PRKG1: variants seen among roughly 807,000 people sequenced by gnomAD.
PRKG1 encodes cGMP-dependent protein kinase 1.
PRKG1 carries 35 observed loss-of-function variants against 88.1 expected under a neutral mutation model. The observed-to-expected ratio is 0.40, with a 90% CI of 0.30 to 0.53. The LOEUF (loss-of-function observed/expected upper bound fraction) is 0.53. Ranked by LOEUF, PRKG1 falls within the 20% of genes least tolerant of loss-of-function variation. PRKG1 has a pLI of 0.59. For missense variants in PRKG1, 540 were observed against 839.8 expected, an observed-to-expected ratio of 0.64 and a Z score of 4.41; for synonymous variants, 303 against 292.5, an observed-to-expected ratio of 1.04 and a Z score of -0.37.
intron 5 of PRKG1, among the ~76,000 whole-genome samples, chr10:52,042,663 G>A (rs1439859839): frequency 2.0e-5 from 3 of 152,014 alleles, no homozygotes; most frequent in Admixed American, 6.6e-5. Context: ...ATTGATCTGG[G>A]CAATAATTTT....
chr10:51,948,514 GTGTGTGTCTC>G lies in PRKG1; in HGVS notation c.762+40952_762+40961del, dbSNP rs1428286702. On this transcript the variant is annotated intron_variant, in intron 5 of 17. Coordinates refer to ENST00000373980, the MANE Select transcript of PRKG1 (RefSeq NM_006258.4). ...ATTCAGGTATTATTTCATGAAACTT[GTGTGTGTCTC>G]TGTGTGTGTGTGTGTGTGTGTGTGC... is the stretch of plus-strand genomic sequence containing the variant. Among the ~76,000 whole-genome samples the G allele has an allele frequency of 2.3e-5, 3 of 129,936 alleles. No individual in the cohort carries two copies. The Admixed American group carries it at 2.3e-4, about 10-fold the overall frequency. The allele number at this position is 129,936 out of a possible 152,430, so 85.2% of individuals were successfully genotyped here.
chr10:51,216,364 A>G (rs1838371446), intron 2 of PRKG1, among the ~76,000 whole-genome samples: 1 of 152,234 alleles, frequency 6.6e-6, no homozygotes, highest in African/African-American at 2.4e-5. Context: ...TTGTAAACAG[A>G]AAGTCAACAG....
intron 2 of PRKG1, among the ~76,000 whole-genome samples, chr10:51,295,089 G>GA (rs373806080): frequency 7.1e-4 from 104 of 146,772 alleles, no homozygotes; most frequent in East Asian, 1.8e-3. Flanking sequence ...TCTCTAAGAG[G>GA]AAAAAAAAAA....
intron 3 of PRKG1, among the ~76,000 whole-genome samples, chr10:51,625,268 G>A (rs1839306831): frequency 6.6e-6 from 1 of 152,132 alleles, no homozygotes; most frequent in Non-Finnish European, 1.5e-5. Context: ...CCTGAGATCC[G>A]GAGTTCAAGA....
chr10:52,145,335 G>T (rs1172063902), intron 8 of PRKG1, among the ~76,000 whole-genome samples: 1 of 152,022 alleles, frequency 6.6e-6, no homozygotes, highest in Non-Finnish European at 1.5e-5. Context: ...TTGTTATTTA[G>T]AAATTCACAA....
At chr10:51,452,972 T>G (rs1420161095) in intron 2 of PRKG1, among the ~76,000 whole-genome samples, 1 of 152,034 alleles carries the variant, frequency 6.6e-6, no homozygotes, top group Non-Finnish European at 1.5e-5. Flanking sequence ...TCTCACTGTT[T>G]GTTATTGGTC....
intron 3 of PRKG1, among the ~76,000 whole-genome samples, chr10:51,555,011 G>T (rs1472993501): frequency 6.6e-6 from 1 of 151,918 alleles, no homozygotes; most frequent in Non-Finnish European, 1.5e-5. Context: ...TGCAGCAAAG[G>T]TGTTTGTTAA....
chr10:51,319,144 C>T (rs924343895), intron 2 of PRKG1, among the ~76,000 whole-genome samples: 3 of 152,170 alleles, frequency 2.0e-5, no homozygotes, highest in Non-Finnish European at 4.4e-5. Flanking sequence ...TCAGCATTCA[C>T]TGGGTTCTCC....
chr10:51,373,421 T>C (rs1415931439), intron 2 of PRKG1, among the ~76,000 whole-genome samples: 1 of 152,146 alleles, frequency 6.6e-6, no homozygotes, highest in Admixed American at 6.5e-5. Context: ...CTCTCCAAAA[T>C]TCAGGTGTTT....
At chr10:51,974,514 C>T (rs1264030755) in intron 5 of PRKG1, among the ~76,000 whole-genome samples, 1 of 152,126 alleles carries the variant, frequency 6.6e-6, no homozygotes, top group Non-Finnish European at 1.5e-5. Context: ...CAACTTACTC[C>T]CATGTGTCAT....
intron 4 of PRKG1, among the ~76,000 whole-genome samples, chr10:51,857,344 T>C (rs1054357281): frequency 1.3e-5 from 2 of 152,232 alleles, no homozygotes; most frequent in African/African-American, 4.8e-5. Context: ...CTAATACTAA[T>C]GTTCATTTGA....
intron 2 of PRKG1, among the ~76,000 whole-genome samples, chr10:51,427,855 G>C (rs563838110): frequency 6.6e-6 from 1 of 152,304 alleles, no homozygotes; most frequent in Admixed American, 6.5e-5. Context: ...GAAAAGCTTA[G>C]ATGTGCAGCA....
chr10:51,169,993 A>G (rs1846659021), intron 2 of PRKG1, among the ~76,000 whole-genome samples: 1 of 151,858 alleles, frequency 6.6e-6, no homozygotes, highest in African/African-American at 2.4e-5. Flanking sequence ...CATGCTCTGA[A>G]GCACTATTGC....
chr10:51,049,173 A>G (rs1363862412), intron 1 of PRKG1, among the ~76,000 whole-genome samples: 2 of 152,194 alleles, frequency 1.3e-5, no homozygotes, highest in African/African-American at 4.8e-5. Flanking sequence ...TTTAACAGCC[A>G]AATAGAATCC....
intron 5 of PRKG1, among the ~76,000 whole-genome samples, chr10:52,017,719 G>C (rs1327358968): frequency 6.6e-6 from 1 of 152,218 alleles, no homozygotes; most frequent in African/African-American, 2.4e-5. Context: ...CTGGGCTGCA[G>C]AGGAGTGGAG....
At chr10:51,434,741 A>C (rs1358725839) in intron 2 of PRKG1, among the ~76,000 whole-genome samples, 1 of 152,108 alleles carries the variant, frequency 6.6e-6, no homozygotes, top group Non-Finnish European at 1.5e-5. Context: ...GTTTCCATGT[A>C]TGTGAAGTGG....
At chr10:51,455,726 T>C (rs1839565991) in intron 2 of PRKG1, among the ~76,000 whole-genome samples, 2 of 152,206 alleles carry the variant, frequency 1.3e-5, no homozygotes, top group Non-Finnish European at 2.9e-5. Flanking sequence ...TGGACTTTAT[T>C]GTCCATATCA....
At chr10:52,118,572 A>T (rs1057480993) in intron 7 of PRKG1, among the ~76,000 whole-genome samples, 10 of 152,028 alleles carry the variant, frequency 6.6e-5, no homozygotes, top group African/African-American at 2.2e-4. Flanking sequence ...GTAAAAATTG[A>T]TATGTTTAAT....
intron 3 of PRKG1, among the ~76,000 whole-genome samples, chr10:51,679,809 A>G (rs7903486): frequency 0.36 from 46,550 of 128,344 alleles, 8,922 homozygotes; most frequent in African/African-American, 0.41. Context: ...TGCCATGCTG[A>G]TGCGCTGCAC....
Sources: allele counts gnomAD v4.1 joint callset (sites outside exome capture counted in the v4.1 genomes callset), GRCh38; gene constraint gnomAD v4.1.1; transcripts MANE v1.5; gene names NCBI Gene and HGNC (gene_info 2026-07-23, HGNC 2026-07-21).